FAM169A: variants seen among roughly 807,000 people sequenced by gnomAD.
The protein encoded by FAM169A is soluble lamin-associated protein of 75 kDa.
Under a neutral mutation model 75.7 loss-of-function variants are expected in FAM169A, and 24 were observed. That is an observed-to-expected ratio of 0.32 (90% confidence interval 0.23 to 0.45). FAM169A has a LOEUF of 0.45. Among genes scored for constraint, FAM169A ranks in the 20% least tolerant of loss-of-function variants. The pLI, the probability that FAM169A is intolerant of heterozygous loss-of-function variation, is 1.00. For missense variants in FAM169A, 673 were observed against 784.0 expected (o/e 0.86, Z 1.69); for synonymous variants, 271 against 271.0 (o/e 1.00, Z 0.00).
At position 74,779,105 on chromosome 5, in the gene FAM169A, G is replaced by A. The variant is rs966948164; in HGVS notation, c.*2355C>T. On this transcript the variant is annotated 3_prime_UTR_variant, in exon 13 of 13. Transcript: ENST00000687041. ...TGTAACAGAAGTGTTCTTGTGTGCT[G>A]AACAAAAAACTTCTAAATTGTTTAC... The A allele has an allele frequency of 2.0e-5, 3 of 152,000 alleles. No individual in the cohort carries two copies. Among genetic ancestry groups the A allele is most frequent in the African/African-American group, 7.2e-5 (3 of 41,412 alleles). 9.4% of individuals were successfully genotyped at this position (152,000 alleles called of 1,614,324 possible). A position where few individuals can be genotyped will look rare whatever the true frequency, so the allele number is the denominator to read the frequency against.
chr5:74,858,125 T>C (rs1254723422), intron 1 of FAM169A, among the ~76,000 whole-genome samples: 2 of 150,002 alleles, frequency 1.3e-5, no homozygotes. Context: ...CGGTGGCTCA[T>C]GCCTATAATC....
rs142701234 is a variant in FAM169A at position 74,813,486 on chromosome 5, C to T, written c.670+354G>A. Among the ~76,000 whole-genome samples, 12 of 152,078 alleles carry T rather than the reference C, an allele frequency of 7.9e-5. No individual in the cohort carries two copies. The East Asian group carries it at 1.2e-3, about 15-fold the overall frequency. On this transcript the variant is annotated intron_variant, in intron 6 of 12. Transcript: ENST00000687041. ...GGATCACAGGCACGTGCCACCACGC[C>T]CAGTTAATTGTTTATTTTTAGTAAA...
intron 10 of FAM169A, chr5:74,799,885 C>A: frequency 1.0e-6 from 1 of 990,694 alleles, no homozygotes; most frequent in Non-Finnish European, 1.6e-6. Context: ...CGCAACATGT[C>A]TGCCATGGAA....
chr5:74,823,899 A>G (rs1436174916), intron 5 of FAM169A, among the ~76,000 whole-genome samples: 3 of 152,216 alleles, frequency 2.0e-5, no homozygotes, highest in Non-Finnish European at 4.4e-5. Context: ...ATAATTTTAC[A>G]TCACAATGTT....
intron 1 of FAM169A, among the ~76,000 whole-genome samples, chr5:74,854,093 G>A (rs956024672): frequency 1.3e-5 from 2 of 152,006 alleles, no homozygotes; most frequent in African/African-American, 4.8e-5. Context: ...AATCACACCA[G>A]GGTAAATAAT....
intron 11 of FAM169A, among the ~76,000 whole-genome samples, chr5:74,784,276 TAAA>T (rs1464742840): frequency 1.3e-5 from 2 of 151,364 alleles, no homozygotes; most frequent in Non-Finnish European, 2.9e-5. Context: ...AGTCAAAAAA[TAAA>T]AATAATACTT....
At chr5:74,824,710 C>T (rs767251036) in intron 5 of FAM169A, among the ~76,000 whole-genome samples, 1 of 67,402 alleles carries the variant, frequency 1.5e-5, no homozygotes, top group Admixed American at 1.5e-4. Context: ...CACACACATA[C>T]ACACACACAC....
chr5:74,785,986 G>A (rs1745676579), intron 11 of FAM169A, among the ~76,000 whole-genome samples: 1 of 152,146 alleles, frequency 6.6e-6, no homozygotes, highest in Non-Finnish European at 1.5e-5. Context: ...CAGTGGACTG[G>A]GAGAGGCAGA....
intron 11 of FAM169A, among the ~76,000 whole-genome samples, chr5:74,795,050 G>C (rs1030030562): frequency 3.3e-5 from 5 of 152,142 alleles, no homozygotes; most frequent in Admixed American, 6.5e-5. Flanking sequence ...CTGAGGTAAG[G>C]AGTTTGAGAC....
chr5:74,821,638 G>GT (rs368678129), intron 5 of FAM169A, among the ~76,000 whole-genome samples: 8 of 152,248 alleles, frequency 5.3e-5, no homozygotes, highest in African/African-American at 1.9e-4. Flanking sequence ...GCTAGCTGCC[G>GT]TAACAAACCA....
At chr5:74,823,753 G>A (rs1032948119) in intron 5 of FAM169A, among the ~76,000 whole-genome samples, 12 of 152,072 alleles carry the variant, frequency 7.9e-5, no homozygotes, top group Non-Finnish European at 5.9e-5. Flanking sequence ...AGAGTAGTAC[G>A]GGACTCTCAC....
At chr5:74,839,283 T>C (rs1039645864) in intron 3 of FAM169A, among the ~76,000 whole-genome samples, 4 of 152,086 alleles carry the variant, frequency 2.6e-5, no homozygotes, top group African/African-American at 9.7e-5. Context: ...ATCCCCACAA[T>C]TCCTACATGT....
In FAM169A at chr5:74,827,312, C is replaced by A. The variant is rs543578869; in HGVS notation, c.490+7114G>T. On this transcript the variant is annotated intron_variant, in intron 5 of 12. Coordinates refer to ENST00000687041, the MANE Select transcript of FAM169A (RefSeq NM_001376049.1). ...ACTATAATCAATCTGGTAACTGTTA[C>A]CATCCATTGAACAAACTATTCCTTA... 3.9e-5 allele frequency among the ~76,000 whole-genome samples: 6 copies of A among 152,172 alleles called. 1 individual carries two copies. The South Asian group carries it at 1.2e-3, about 32-fold the overall frequency.
In FAM169A at chr5:74,783,150, A is replaced by C; in HGVS notation, c.1261-16T>G. On this transcript the variant is annotated splice_polypyrimidine_tract_variant and intron_variant, in intron 11 of 12. Coordinates refer to ENST00000687041, the MANE Select transcript of FAM169A (RefSeq NM_001376049.1). Reference sequence around the variant, plus strand: ...ATTCAGATTCCTACACCATGAGGAGAGAGGGAAAAAGTAAGGACATGATTA... The same window carrying C: ...ATTCAGATTCCTACACCATGAGGAGCGAGGGAAAAAGTAAGGACATGATTA... 6.4e-7 allele frequency: 1 copy of C among 1,571,646 alleles called. No individual in the cohort carries two copies. The highest frequency in any genetic ancestry group is 2.2e-5 in the East Asian group (1 of 44,504).
chr5:74,803,964 T>A (rs1338543160), intron 8 of FAM169A, among the ~76,000 whole-genome samples: 1 of 152,078 alleles, frequency 6.6e-6, no homozygotes, highest in African/African-American at 2.4e-5. Flanking sequence ...AATTTAAGGA[T>A]CCTATGTTAA....
chr5:74,811,497 A>G (rs937586032), intron 6 of FAM169A, among the ~76,000 whole-genome samples: 5 of 152,182 alleles, frequency 3.3e-5, no homozygotes, highest in African/African-American at 9.7e-5. Context: ...AATATGATTC[A>G]AGATGGGCAT....
intron 5 of FAM169A, among the ~76,000 whole-genome samples, chr5:74,832,286 A>C (rs1748352619): frequency 6.6e-6 from 1 of 151,972 alleles, no homozygotes; most frequent in African/African-American, 2.4e-5. Flanking sequence ...AAAACTATCT[A>C]CCTAACCCAA....
At chr5:74,862,205 AAG>A (rs775575751) in intron 1 of FAM169A, among the ~76,000 whole-genome samples, 2 of 152,166 alleles carry the variant, frequency 1.3e-5, no homozygotes, top group East Asian at 1.9e-4. Flanking sequence ...TCTTCCTAAA[AAG>A]AGAGAGAGAA....
chr5:74,794,740 C>T (rs940757397), intron 11 of FAM169A, among the ~76,000 whole-genome samples: 11 of 148,016 alleles, frequency 7.4e-5, no homozygotes, highest in Non-Finnish European at 4.4e-5. Context: ...GATCGCGCCA[C>T]TGCACTCCAG....
Sources: allele counts gnomAD v4.1 joint callset (sites outside exome capture counted in the v4.1 genomes callset), GRCh38; gene constraint gnomAD v4.1.1; transcripts MANE v1.5; gene names NCBI Gene and HGNC (gene_info 2026-07-23, HGNC 2026-07-21).